KPNA7: variants seen among roughly 807,000 people sequenced by gnomAD.
The protein encoded by KPNA7 is importin subunit alpha-8.
In KPNA7, 54 loss-of-function variants were observed where a neutral mutation model predicts 53.7. The observed-to-expected ratio is 1.01, with a 90% CI of 0.81 to 1.26. The LOEUF is 1.26. Among genes scored for constraint, KPNA7 ranks in the 50% most tolerant of loss-of-function variants. KPNA7 has a pLI of 0.00. For synonymous variants in KPNA7, 276 were observed against 259.3 expected, an observed-to-expected ratio of 1.06 and a Z score of -0.62; for missense variants, 640 against 644.5, an observed-to-expected ratio of 0.99 and a Z score of 0.07.
chr7:99,175,344 A>T (rs546022510), intron 10 of KPNA7, among the ~76,000 whole-genome samples: 1 of 151,582 alleles, frequency 6.6e-6, no homozygotes. Context: ...CACCTGGCTA[A>T]TTTTTGTATT....
chr7:99,200,813 TAA>T (rs2150763259), intron 3 of KPNA7, among the ~76,000 whole-genome samples: 1 of 151,974 alleles, frequency 6.6e-6, no homozygotes, highest in East Asian at 1.9e-4. Flanking sequence ...CCATCTCTAC[TAA>T]AATATAAAAT....
the KPNA7 span, among the ~76,000 whole-genome samples, chr7:99,158,655 C>A: frequency 6.6e-6 from 1 of 151,980 alleles, no homozygotes; most frequent in Non-Finnish European, 1.5e-5. Context: ...AGGTGTGCAC[C>A]ACCATGCCCA....
intron 2 of KPNA7, 140 bp from the exon 3 acceptor site, chr7:99,203,380 A>G: frequency 1.3e-6 from 1 of 763,816 alleles, no homozygotes. Context: ...CAGTTAGTAA[A>G]TCATCTCAGC....
chr7:99,207,468 T>C lies in KPNA7; in HGVS notation c.-2A>G. 6.4e-7 allele frequency: 1 copy of C among 1,551,220 alleles called. No homozygotes were observed. The stretch of plus-strand genomic sequence containing the variant: ...TTCTGGAGCATCTAAGGTCGGCATA[T>C]TGACTGGAAGTAGTAAGTTACCTGC... On this transcript the variant is annotated 5_prime_UTR_variant, in exon 2 of 11. Coordinates refer to ENST00000327442, the MANE Select transcript of KPNA7 (RefSeq NM_001145715.3).
chr7:99,150,446 C>G, the KPNA7 span, among the ~76,000 whole-genome samples: 1 of 132,920 alleles, frequency 7.5e-6, no homozygotes, highest in African/African-American at 2.8e-5. Context: ...CGGAGTTTCA[C>G]TCTTGTTGCC....
chr7:99,187,233 T>G (rs988424809), intron 7 of KPNA7, among the ~76,000 whole-genome samples: 1 of 151,932 alleles, frequency 6.6e-6, no homozygotes, highest in Non-Finnish European at 1.5e-5. Context: ...GAGGTTGCAG[T>G]GAGCCAAGAT....
downstream of KPNA7, among the ~76,000 whole-genome samples, chr7:99,168,843 G>A (rs1288864890): frequency 6.6e-6 from 1 of 152,118 alleles, no homozygotes; most frequent in Non-Finnish European, 1.5e-5. Flanking sequence ...CCACTTCAAA[G>A]AACTTTAAAG....
At chr7:99,157,477 G>A in the KPNA7 span, among the ~76,000 whole-genome samples, 1 of 152,164 alleles carries the variant, frequency 6.6e-6, no homozygotes, top group Non-Finnish European at 1.5e-5. Context: ...TCAAAGTGTT[G>A]GGATTACAGG....
the KPNA7 span, among the ~76,000 whole-genome samples, chr7:99,147,559 G>A: frequency 6.6e-6 from 1 of 152,222 alleles, no homozygotes; most frequent in Non-Finnish European, 1.5e-5. Flanking sequence ...GGGAGACCAA[G>A]GCGGGTGGAT....
chr7:99,188,173 T>TTA (rs1789718539), intron 7 of KPNA7, 127 bp downstream of exon 7: 2 of 476,422 alleles, frequency 4.2e-6, no homozygotes, highest in Non-Finnish European at 6.2e-6. Context: ...AGACTCTGTC[T>TTA]CAAAAAAAAA....
chr7:99,157,069 A>T, the KPNA7 span, among the ~76,000 whole-genome samples: 2 of 151,842 alleles, frequency 1.3e-5, no homozygotes, highest in African/African-American at 4.8e-5. Context: ...TTCCTTTTTC[A>T]TGGCATCTTT....
intron 9 of KPNA7, among the ~76,000 whole-genome samples, 175 bp downstream of exon 9, chr7:99,181,708 C>T (rs538270915): frequency 1.1e-4 from 16 of 152,232 alleles, no homozygotes; most frequent in East Asian, 3.9e-4. Context: ...CTACCTTTCC[C>T]GGCTAATTTG....
At chr7:99,166,352 G>A in the KPNA7 span, among the ~76,000 whole-genome samples, 5 of 151,982 alleles carry the variant, frequency 3.3e-5, no homozygotes, top group Admixed American at 1.3e-4. Context: ...GATGGTCTCC[G>A]TCATCCAGGC....
chr7:99,215,400 A>G (rs117789016), intron 1 of KPNA7, among the ~76,000 whole-genome samples: 7,775 of 137,158 alleles, frequency 0.057, 293 homozygotes, highest in South Asian at 0.16. Context: ...AAAAAAAGGC[A>G]TTTGCCACCT....
intron 3 of KPNA7, among the ~76,000 whole-genome samples, chr7:99,198,289 C>T (rs1287525492): frequency 1.3e-5 from 2 of 152,012 alleles, no homozygotes; most frequent in African/African-American, 4.8e-5. Flanking sequence ...TTCTTAGAGG[C>T]TAGTATTACT....
the KPNA7 span, among the ~76,000 whole-genome samples, chr7:99,168,362 G>A: frequency 6.6e-6 from 1 of 152,294 alleles, no homozygotes; most frequent in African/African-American, 2.4e-5. Context: ...CACTCTGAGG[G>A]ATGTGGGAAT....
the KPNA7 span, among the ~76,000 whole-genome samples, chr7:99,161,222 ACTCTCT>A: frequency 3.4e-3 from 504 of 147,774 alleles, 3 homozygotes; most frequent in Middle Eastern, 0.01. Context: ...ATGTACACAA[ACTCTCT>A]CTCTCTCTCT....
At chr7:99,160,782 C>T in the KPNA7 span, among the ~76,000 whole-genome samples, 2 of 152,142 alleles carry the variant, frequency 1.3e-5, no homozygotes, top group Non-Finnish European at 2.9e-5. Flanking sequence ...CAAGATGGTT[C>T]CCAATGACCT....
At chr7:99,207,712 T>G (rs1354230211) in intron 1 of KPNA7, among the ~76,000 whole-genome samples, 1 of 128,362 alleles carries the variant, frequency 7.8e-6, no homozygotes, top group East Asian at 2.7e-4. Context: ...ATCAGTTCAC[T>G]GCAACCTCCG....
Sources: allele counts gnomAD v4.1 joint callset (sites outside exome capture counted in the v4.1 genomes callset), GRCh38; gene constraint gnomAD v4.1.1; transcripts MANE v1.5; gene names NCBI Gene and HGNC (gene_info 2026-07-23, HGNC 2026-07-21).